STK24: variants seen among roughly 807,000 people sequenced by gnomAD.
The protein encoded by STK24 is serine/threonine-protein kinase 24.
Under a neutral mutation model 55.6 loss-of-function variants are expected in STK24, and 21 were observed. That is an observed-to-expected ratio of 0.38 (90% confidence interval 0.27 to 0.54). The LOEUF (loss-of-function observed/expected upper bound fraction) is 0.54, where lower values mean the gene tolerates loss of function less well. STK24 is among the 20% of genes least tolerant of loss of function. STK24 has a pLI of 0.79. For missense variants in STK24, 383 were observed against 538.4 expected (o/e 0.71, Z 2.86); for synonymous variants, 200 against 215.2 (o/e 0.93, Z 0.62).
At chr13:98,527,222 T>C (rs747507844) in intron 1 of STK24, among the ~76,000 whole-genome samples, 5 of 152,070 alleles carry the variant, frequency 3.3e-5, no homozygotes, top group Non-Finnish European at 5.9e-5. Context: ...ACACCTGTAA[T>C]CCCAGCACCT....
chr13:98,543,072 A>AG (rs1288560242), intron 1 of STK24: 6 of 970,368 alleles, frequency 6.2e-6, no homozygotes, highest in African/African-American at 3.5e-5. Context: ...AGGCCAAGGG[A>AG]GGGGGGAGAG....
intron 1 of STK24, among the ~76,000 whole-genome samples, chr13:98,554,424 G>C (rs1273960648): frequency 6.6e-6 from 1 of 152,156 alleles, no homozygotes; most frequent in Non-Finnish European, 1.5e-5. Context: ...TTGTACTCAT[G>C]GTCATTCCAG....
chr13:98,573,265 A>G (rs1897789477), intron 1 of STK24, among the ~76,000 whole-genome samples: 1 of 152,234 alleles, frequency 6.6e-6, no homozygotes. Context: ...TGTAACAGAA[A>G]TGTGCAAACC....
rs150258777 is a variant in STK24 at position 98,463,724 on chromosome 13, C to G, written c.896G>C (p.Ser299Thr). 1 of 1,614,048 alleles carries G rather than the reference C, an allele frequency of 6.2e-7. No homozygotes were observed. The highest frequency in any genetic ancestry group is 8.5e-7 in the Non-Finnish European group (1 of 1,180,030). ...ATCCTCGGAGCTCGAGTCGTCATGG[C>G]TCTGCTCGGCCTTCCATCTCTTGTA... ...DRYKRWKAEQ[S>T]HDDSSSEDSD... Residue 299 changes from serine (S) to threonine (T), a missense_variant, in exon 7 of 11, where the codon AGC becomes ACC. Physicochemically the swap from Ser to Thr is moderately conservative, Grantham distance 58. Transcript: ENST00000539966.
rs1894302479 is a variant in STK24 at position 98,474,818 on chromosome 13, C to T, written c.597+3G>A. On this transcript the variant is annotated splice_donor_region_variant and intron_variant, in intron 5 of 10. Transcript: ENST00000539966. ...CACGGCGCCGCCCTCACCCTCCCCT[C>T]ACCTTCGAGTCATAGGCCGACTGTT... 4 of 1,607,370 alleles carry T rather than the reference C, an allele frequency of 2.5e-6. No homozygotes were observed. Among genetic ancestry groups the T allele is most frequent in the Non-Finnish European group, 3.4e-6 (4 of 1,176,758 alleles).
intron 1 of STK24, among the ~76,000 whole-genome samples, chr13:98,526,094 C>T (rs184560486): frequency 1.2e-4 from 19 of 152,196 alleles, no homozygotes; most frequent in African/African-American, 4.6e-4. Flanking sequence ...GAGGGAGGAG[C>T]ATTGGCAGTA....
chr13:98,478,951 G>A (rs1221517833), intron 3 of STK24, among the ~76,000 whole-genome samples: 1 of 152,154 alleles, frequency 6.6e-6, no homozygotes, highest in Non-Finnish European at 1.5e-5. Flanking sequence ...GTAATTGACA[G>A]ACCTCCCCAC....
At chr13:98,542,604 G>T (rs1896919825) in intron 1 of STK24, among the ~76,000 whole-genome samples, 1 of 152,124 alleles carries the variant, frequency 6.6e-6, no homozygotes, top group Non-Finnish European at 1.5e-5. Context: ...AGCCTACAAG[G>T]TAGTTCATGC....
Position 98,541,296 on chromosome 13 carries a change from T to C in STK24, c.43-21823A>G, listed in dbSNP as rs557286874. On this transcript the variant is annotated intron_variant, in intron 1 of 10. Transcript: ENST00000539966. ...GCTCTTCCTCTCCAGTTCATCTGCA[T>C]CTCATTATTGGGCCCGAGAAATAGC... Among the ~76,000 whole-genome samples, 5 of 152,270 alleles carry C rather than the reference T, an allele frequency of 3.3e-5. No homozygotes were observed. The East Asian group carries it at 7.7e-4, about 24-fold the overall frequency.
intron 1 of STK24, among the ~76,000 whole-genome samples, chr13:98,551,978 G>A (rs1168252563): frequency 1.3e-5 from 2 of 152,022 alleles, no homozygotes; most frequent in African/African-American, 2.4e-5. Flanking sequence ...GACCTGCTGC[G>A]ATAAGGAAGG....
Position 98,492,722 on chromosome 13 carries a change from C to T in STK24, c.274-10401G>A, listed in dbSNP as rs139381569. Among the ~76,000 whole-genome samples, 221 of 152,306 alleles carry T rather than the reference C, an allele frequency of 1.5e-3. 1 individual carries two copies. Among genetic ancestry groups the T allele is most frequent in the African/African-American group, 5.0e-3 (208 of 41,562 alleles). ...ACCATCTTATATTAGTACCATGGGG[C>T]AGCAACTCATACTGTACTAAATACT... On this transcript the variant is annotated intron_variant, in intron 2 of 10. Transcript: ENST00000539966.
intron 2 of STK24, among the ~76,000 whole-genome samples, chr13:98,512,748 G>C (rs1895928701): frequency 6.6e-6 from 1 of 152,184 alleles, no homozygotes. Context: ...AGGACCTCCA[G>C]TCACACAGCC....
chr13:98,461,904 A>G lies in STK24; in HGVS notation c.930-7T>C. The G allele has an allele frequency of 6.2e-7, 1 of 1,613,284 alleles. No homozygotes were observed. The highest frequency in any genetic ancestry group is 1.1e-5 in the South Asian group (1 of 91,056). ...GGCTTGGCCATCTGTTTCCCTTAACACAGAAATGCAGGAAATCCCATCAGT... is the reference window on the plus strand; with the variant it reads ...GGCTTGGCCATCTGTTTCCCTTAACGCAGAAATGCAGGAAATCCCATCAGT... On this transcript the variant is annotated splice_polypyrimidine_tract_variant and splice_region_variant and intron_variant, in intron 7 of 10. Transcript: ENST00000539966.
chr13:98,570,719 A>C (rs139610833), intron 1 of STK24, among the ~76,000 whole-genome samples: 29 of 152,290 alleles, frequency 1.9e-4, no homozygotes, highest in African/African-American at 5.1e-4. Context: ...ATTTCCCCTA[A>C]TTTAAACCTT....
intron 10 of STK24, chr13:98,456,179 T>A (rs1213641024): frequency 5.5e-6 from 1 of 182,572 alleles, no homozygotes; most frequent in Non-Finnish European, 1.2e-5. Context: ...GAACTGTGGT[T>A]TTCTCCTGCT....
At chr13:98,525,329 C>A (rs1410085284) in intron 1 of STK24, among the ~76,000 whole-genome samples, 1 of 152,204 alleles carries the variant, frequency 6.6e-6, no homozygotes, top group Non-Finnish European at 1.5e-5. Context: ...AACCCCACAG[C>A]CCGTGCCTGA....
chr13:98,482,974 C>G (rs527963897), intron 2 of STK24, among the ~76,000 whole-genome samples: 1 of 152,228 alleles, frequency 6.6e-6, no homozygotes, highest in Admixed American at 6.5e-5. Flanking sequence ...CTCAAGGCCC[C>G]GGCTCTCACA....
chr13:98,563,859 CA>C (rs1366378656), intron 1 of STK24, among the ~76,000 whole-genome samples: 2,171 of 83,050 alleles, frequency 0.026, 39 homozygotes, highest in African/African-American at 0.079. Context: ...GACTCCGTCT[CA>C]AAAAAAAAAA....
At chr13:98,498,187 A>T (rs995994828) in intron 2 of STK24, among the ~76,000 whole-genome samples, 9 of 152,216 alleles carry the variant, frequency 5.9e-5, no homozygotes, top group Non-Finnish European at 1.2e-4. Context: ...GGATACTCGA[A>T]AGACTTACAA....
Sources: allele counts gnomAD v4.1 joint callset (sites outside exome capture counted in the v4.1 genomes callset), GRCh38; gene constraint gnomAD v4.1.1; transcripts MANE v1.5; gene names NCBI Gene and HGNC (gene_info 2026-07-23, HGNC 2026-07-21).